The following ARHGEF3 variants were observed in gnomAD, a reference collection of about 807,000 sequenced individuals.
The protein encoded by ARHGEF3 is 59.8 kDA protein.
ARHGEF3 carries 28 observed loss-of-function variants against 63.2 expected under a neutral mutation model. That is an observed-to-expected ratio of 0.44 (90% confidence interval 0.33 to 0.61). The LOEUF (loss-of-function observed/expected upper bound fraction) is 0.61, where lower values mean the gene tolerates loss of function less well. Ranked by LOEUF, ARHGEF3 falls within the 20% of genes least tolerant of loss-of-function variation. The pLI, the probability that ARHGEF3 is intolerant of heterozygous loss-of-function variation, is 0.03. For synonymous variants in ARHGEF3, 266 were observed against 254.2 expected, an observed-to-expected ratio of 1.05 and a Z score of -0.44; for missense variants, 533 against 659.3, an observed-to-expected ratio of 0.81 and a Z score of 2.10.
intron 4 of ARHGEF3, among the ~76,000 whole-genome samples, chr3:56,824,751 C>T (rs1302083211): frequency 6.6e-6 from 1 of 152,196 alleles, no homozygotes; most frequent in Non-Finnish European, 1.5e-5. Context: ...GAACTACTAT[C>T]CAGTCCACTT....
Position 56,734,980 on chromosome 3 carries a change from C to G in ARHGEF3, c.1041+2205G>C, listed in dbSNP as rs1252612075. ...CCAAGGTGGGCTGAGATTGTCTGGG[C>G]AACCTTTTAAAAATACAACTCAGCC... On this transcript the variant is annotated intron_variant, in intron 8 of 9. Coordinates refer to ENST00000296315, the MANE Select transcript of ARHGEF3 (RefSeq NM_019555.3). Among the ~76,000 whole-genome samples, 2 of 152,056 alleles carry G rather than the reference C, an allele frequency of 1.3e-5. 1 individual carries two copies. The highest frequency in any genetic ancestry group is 2.9e-5 in the Non-Finnish European group (2 of 68,006).
chr3:56,814,639 T>C (rs2038199161), intron 4 of ARHGEF3, among the ~76,000 whole-genome samples: 2 of 151,764 alleles, frequency 1.3e-5, no homozygotes, highest in African/African-American at 4.8e-5. Context: ...TTATTAACCC[T>C]TCCGGTAAAT....
chr3:57,033,354 G>A (rs1703810205), intron 2 of ARHGEF3, among the ~76,000 whole-genome samples: 1 of 151,534 alleles, frequency 6.6e-6, no homozygotes, highest in African/African-American at 2.4e-5. Flanking sequence ...CCACCATCAG[G>A]GAAATGGCCC....
At position 56,763,067 on chromosome 3, in the gene ARHGEF3, G is replaced by C. The variant is rs535737234; in HGVS notation, c.205-7916C>G. Among the ~76,000 whole-genome samples, 6 of 152,254 alleles carry C rather than the reference G, an allele frequency of 3.9e-5. No individual in the cohort carries two copies. In the East Asian group the frequency reaches 1.2e-3, roughly 29 times the overall value. On this transcript the variant is annotated intron_variant, in intron 2 of 9. Transcript: ENST00000296315. ...TTGTTTGACTCCAAAACATGGATTTGGGTGAAGAACATAGGCTTTGGAGTA... is the reference window on the plus strand; with the variant it reads ...TTGTTTGACTCCAAAACATGGATTTCGGTGAAGAACATAGGCTTTGGAGTA...
chr3:56,891,744 T>A (rs1044552491), intron 3 of ARHGEF3, among the ~76,000 whole-genome samples: 2 of 152,150 alleles, frequency 1.3e-5, no homozygotes, highest in African/African-American at 4.8e-5. Context: ...GTAAAGAGCT[T>A]AGCACAATGC....
intron 2 of ARHGEF3, among the ~76,000 whole-genome samples, chr3:57,001,538 C>T (rs76268933): frequency 0.022 from 3,402 of 152,284 alleles, 112 homozygotes; most frequent in African/African-American, 0.076. Flanking sequence ...CTTACCTTCC[C>T]AGACCCCCTG....
At chr3:56,873,444 T>C (rs2040494496) in intron 4 of ARHGEF3, among the ~76,000 whole-genome samples, 1 of 152,172 alleles carries the variant, frequency 6.6e-6, no homozygotes, top group African/African-American at 2.4e-5. Context: ...TGTCCATGTG[T>C]TCTCATCATT....
At chr3:56,959,838 C>T (rs1700202552) in intron 2 of ARHGEF3, among the ~76,000 whole-genome samples, 2 of 152,156 alleles carry the variant, frequency 1.3e-5, no homozygotes. Flanking sequence ...ATTAGCCAGG[C>T]ATGCTGGTGG....
At chr3:56,880,956 A>G (rs2108254633) in intron 4 of ARHGEF3, among the ~76,000 whole-genome samples, 1 of 152,334 alleles carries the variant, frequency 6.6e-6, no homozygotes, top group Middle Eastern at 3.4e-3. Flanking sequence ...ACGCTCAAGT[A>G]CATTAATTAG....
intron 4 of ARHGEF3, among the ~76,000 whole-genome samples, chr3:56,817,708 A>G (rs1054447636): frequency 6.6e-6 from 1 of 152,262 alleles, no homozygotes; most frequent in Non-Finnish European, 1.5e-5. Flanking sequence ...ATGGAGGCTC[A>G]GAGAAGATAA....
rs572292963 is a variant in ARHGEF3, at chr3:57,056,162, C to T, written c.-27-20986G>A. On this transcript the variant is annotated intron_variant, in intron 1 of 12. Transcript: ENST00000338458. ...TAGAACTTTGGGAGGCTGAGGTGGG[C>T]AGATCCCGAGATCAGAAGATCGAGA... is the stretch of plus-strand genomic sequence containing the variant. 1.3e-4 allele frequency among the ~76,000 whole-genome samples: 19 copies of T among 151,942 alleles called. No individual in the cohort carries two copies. In the East Asian group the frequency reaches 3.1e-3, roughly 25 times the overall value.
At chr3:57,027,995 T>C (rs971912374) in intron 2 of ARHGEF3, among the ~76,000 whole-genome samples, 4 of 151,950 alleles carry the variant, frequency 2.6e-5, no homozygotes, top group South Asian at 2.1e-4. Flanking sequence ...CTATGAGATA[T>C]CATCTCACAT....
At chr3:56,795,473 C>A (rs2037302952) in intron 1 of ARHGEF3, among the ~76,000 whole-genome samples, 1 of 152,168 alleles carries the variant, frequency 6.6e-6, no homozygotes, top group African/African-American at 2.4e-5. Context: ...TAAGGTTTCT[C>A]ATTCAGCTTC....
chr3:56,955,581 G>A (rs1319553868), intron 3 of ARHGEF3, among the ~76,000 whole-genome samples: 2 of 152,158 alleles, frequency 1.3e-5, no homozygotes, highest in Non-Finnish European at 2.9e-5. Flanking sequence ...ATACATAAAT[G>A]TGGAAAATTT....
At chr3:57,068,654 C>T (rs1208380627) in intron 1 of ARHGEF3, among the ~76,000 whole-genome samples, 1 of 152,150 alleles carries the variant, frequency 6.6e-6, no homozygotes, top group African/African-American at 2.4e-5. Flanking sequence ...CTCCCCACCC[C>T]CTTGGGAGAT....
intron 3 of ARHGEF3, among the ~76,000 whole-genome samples, chr3:56,893,645 A>C (rs911610844): frequency 2.6e-5 from 4 of 152,018 alleles, no homozygotes; most frequent in African/African-American, 4.8e-5. Context: ...GTCTCTACTA[A>C]AAATACAAAA....
intron 2 of ARHGEF3, among the ~76,000 whole-genome samples, chr3:56,987,195 G>A (rs1477627926): frequency 6.6e-6 from 1 of 152,224 alleles, no homozygotes; most frequent in Admixed American, 6.5e-5. Context: ...CTGGGTGATG[G>A]AGTGAGACCC....
intron 2 of ARHGEF3, among the ~76,000 whole-genome samples, chr3:57,004,277 T>A (rs1702382362): frequency 6.6e-6 from 1 of 152,244 alleles, no homozygotes; most frequent in Non-Finnish European, 1.5e-5. Flanking sequence ...TATTTGCAGA[T>A]GTTTCAGTGG....
intron 1 of ARHGEF3, among the ~76,000 whole-genome samples, chr3:56,790,467 C>T (rs1470406163): frequency 6.6e-6 from 1 of 152,190 alleles, no homozygotes; most frequent in Non-Finnish European, 1.5e-5. Flanking sequence ...TGCAAGATCA[C>T]ACCCAGACAT....
Sources: gnomAD v4.1 joint callset for allele counts (sites outside exome capture counted in the v4.1 genomes callset) on GRCh38, gnomAD v4.1.1 for gene constraint, MANE v1.5 for transcripts, NCBI Gene and HGNC (gene_info 2026-07-23, HGNC 2026-07-21) for gene names.